The following RALGAPA2 variants were observed in gnomAD, a reference collection of about 807,000 sequenced individuals.
RALGAPA2 encodes ral GTPase-activating protein subunit alpha-2.
A neutral mutation model predicts 230.4 loss-of-function variants in RALGAPA2; 139 were observed. The ratio of observed to expected loss-of-function variants is 0.60; its 90% confidence interval spans 0.53 to 0.69. RALGAPA2 has a LOEUF of 0.69. RALGAPA2 is among the 30% of genes least tolerant of loss of function. The probability of loss-of-function intolerance (pLI) is 0.00; values close to 1 mark genes in which losing one functional copy is unlikely to be tolerated. For missense variants in RALGAPA2, 2,163 were observed against 2,276.0 expected, an observed-to-expected ratio of 0.95 and a Z score of 1.01; for synonymous variants, 847 against 837.8, an observed-to-expected ratio of 1.01 and a Z score of -0.19.
chr20:20,602,961 T>A (rs899392731), intron 15 of RALGAPA2, among the ~76,000 whole-genome samples: 2 of 152,144 alleles, frequency 1.3e-5, no homozygotes, highest in African/African-American at 4.8e-5. Flanking sequence ...AGGTAAGTTC[T>A]CTTCTGGGCT....
intron 26 of RALGAPA2, among the ~76,000 whole-genome samples, chr20:20,534,630 T>A (rs1444436986): frequency 2.6e-5 from 4 of 152,112 alleles, no homozygotes; most frequent in African/African-American, 9.7e-5. Flanking sequence ...GTGGTTAATC[T>A]TCTCATCAAG....
chr20:20,703,657 T>C (rs951632164), intron 1 of RALGAPA2, among the ~76,000 whole-genome samples: 7 of 152,194 alleles, frequency 4.6e-5, no homozygotes, highest in African/African-American at 1.7e-4. Flanking sequence ...ACATGAGATA[T>C]CAACAGAGTT....
intron 10 of RALGAPA2, among the ~76,000 whole-genome samples, chr20:20,628,913 ATAT>A (rs2066578703): frequency 6.6e-6 from 1 of 151,780 alleles, no homozygotes; most frequent in Non-Finnish European, 1.5e-5. Flanking sequence ...TAATTCTATC[ATAT>A]TGTGAGTGCC....
chr20:20,589,489 A>T, intron 17 of RALGAPA2, 124 bp from the exon 18 acceptor site: 1 of 1,075,906 alleles, frequency 9.3e-7, no homozygotes, highest in Non-Finnish European at 1.3e-6. Flanking sequence ...TAAAAACAGG[A>T]GTTATGGGCC....
intron 10 of RALGAPA2, among the ~76,000 whole-genome samples, chr20:20,624,879 A>G (rs1000843997): frequency 6.6e-6 from 1 of 152,204 alleles, no homozygotes; most frequent in Non-Finnish European, 1.5e-5. Flanking sequence ...TTCATTAATT[A>G]AGAATGAATG....
At chr20:20,657,042 C>A (rs568728782) in intron 3 of RALGAPA2, among the ~76,000 whole-genome samples, 22 of 152,278 alleles carry the variant, frequency 1.4e-4, no homozygotes, top group African/African-American at 5.1e-4. Flanking sequence ...TTACTATAGA[C>A]CCCAATTTGG....
chr20:20,674,500 AC>A (rs1191784026), intron 3 of RALGAPA2, among the ~76,000 whole-genome samples: 1 of 152,172 alleles, frequency 6.6e-6, no homozygotes, highest in African/African-American at 2.4e-5. Context: ...ACTTCCATTT[AC>A]CAATGTACTG....
chr20:20,628,323 C>A (rs1393535696), intron 10 of RALGAPA2, among the ~76,000 whole-genome samples: 1 of 152,182 alleles, frequency 6.6e-6, no homozygotes, highest in African/African-American at 2.4e-5. Context: ...TCTTCTCCTC[C>A]TCACCTACAA....
chr20:20,392,273 C>T lies in RALGAPA2; in HGVS notation c.*1016G>A, dbSNP rs1183279315. ...AAAAATGTAAGGATTAAATCCCTCG[C>T]TTGGAATCGGCTACCAAAAGCTTTG... On this transcript the variant is annotated 3_prime_UTR_variant, in exon 40 of 40. Coordinates refer to ENST00000202677, the MANE Select transcript of RALGAPA2 (RefSeq NM_020343.4). 6.6e-6 allele frequency: 1 copy of T among 152,258 alleles called. No homozygotes were observed. Among genetic ancestry groups the T allele is most frequent in the African/African-American group, 2.4e-5 (1 of 41,464 alleles). 9.4% of individuals were successfully genotyped at this position (152,258 alleles called of 1,614,324 possible).
chr20:20,476,446 G>T (rs889246617), intron 36 of RALGAPA2, among the ~76,000 whole-genome samples: 6 of 151,890 alleles, frequency 4.0e-5, no homozygotes, highest in Non-Finnish European at 8.8e-5. Flanking sequence ...CAGCATATCA[G>T]TTTGGTGGAA....
intron 37 of RALGAPA2, among the ~76,000 whole-genome samples, chr20:20,448,111 G>C (rs947525157): frequency 6.6e-6 from 1 of 152,142 alleles, no homozygotes. Context: ...AGTTTGGATG[G>C]GGGTAAGTAA....
At chr20:20,484,007 T>C (rs2061844557) in intron 36 of RALGAPA2, among the ~76,000 whole-genome samples, 1 of 152,146 alleles carries the variant, frequency 6.6e-6, no homozygotes, top group African/African-American at 2.4e-5. Flanking sequence ...CAACCTAAAA[T>C]GCTTCCTTCA....
chr20:20,693,960 G>T (rs981594931), intron 1 of RALGAPA2, among the ~76,000 whole-genome samples: 3 of 151,984 alleles, frequency 2.0e-5, no homozygotes, highest in African/African-American at 7.2e-5. Context: ...AAAGGTTAGC[G>T]GGACATGGTG....
chr20:20,477,283 C>T (rs919648969), intron 36 of RALGAPA2, among the ~76,000 whole-genome samples: 3 of 152,154 alleles, frequency 2.0e-5, no homozygotes, highest in Non-Finnish European at 4.4e-5. Flanking sequence ...AACTAACAAA[C>T]TCATCATAAT....
chr20:20,585,338 G>C (rs1265095010), intron 18 of RALGAPA2, among the ~76,000 whole-genome samples: 1 of 152,050 alleles, frequency 6.6e-6, no homozygotes, highest in Non-Finnish European at 1.5e-5. Context: ...GTGCTGGTAG[G>C]GAAGGCGCAA....
intron 36 of RALGAPA2, among the ~76,000 whole-genome samples, chr20:20,478,491 A>G (rs1021576281): frequency 6.6e-6 from 1 of 151,816 alleles, no homozygotes; most frequent in African/African-American, 2.4e-5. Context: ...TCTTTAAGGA[A>G]CCATAAAGAA....
At chr20:20,512,091 G>C (rs2062721577) in intron 32 of RALGAPA2, among the ~76,000 whole-genome samples, 1 of 152,082 alleles carries the variant, frequency 6.6e-6, no homozygotes, top group Admixed American at 6.5e-5. Flanking sequence ...GGGAGGATGA[G>C]GCAGGAGAAT....
chr20:20,571,894 G>T lies in RALGAPA2; in HGVS notation c.2954C>A (p.Pro985Gln), dbSNP rs2064653491. ...CATTCTGAGTGGTGGGATCAAAACT[G>T]GAGGAGATGGAGAAGACTGGTTATC... ...SLDNQSSPSP[P>Q]VLIPPLRMFA... The change falls in exon 22 of 40, where the codon CCA becomes CAA. Residue 985 changes from proline to glutamine, a missense_variant. Coordinates refer to ENST00000202677, the MANE Select transcript of RALGAPA2 (RefSeq NM_020343.4). The T allele has an allele frequency of 1.9e-6, 3 of 1,611,932 alleles. 1 individual carries two copies.
At chr20:20,651,837 T>C (rs578100007) in intron 4 of RALGAPA2, among the ~76,000 whole-genome samples, 1 of 152,356 alleles carries the variant, frequency 6.6e-6, no homozygotes, top group South Asian at 2.1e-4. Flanking sequence ...TAAAAAATAC[T>C]GCATGCAGTT....
Sources: gnomAD v4.1 joint callset for allele counts (sites outside exome capture counted in the v4.1 genomes callset) on GRCh38, gnomAD v4.1.1 for gene constraint, MANE v1.5 for transcripts, NCBI Gene and HGNC (gene_info 2026-07-23, HGNC 2026-07-21) for gene names.